NUB1: variants seen among roughly 807,000 people sequenced by gnomAD.
NUB1 encodes the protein NEDD8 ultimate buster 1.
In NUB1, 41 loss-of-function variants were observed where a neutral mutation model predicts 77.1. The ratio of observed to expected loss-of-function variants is 0.53; its 90% CI spans 0.41 to 0.69. The LOEUF (loss-of-function observed/expected upper bound fraction) is 0.69. Among genes scored for constraint, NUB1 ranks in the 30% least tolerant of loss-of-function variants. The pLI is 0.00. For missense variants in NUB1, 643 were observed against 743.8 expected (o/e 0.86, Z 1.58); for synonymous variants, 257 against 281.0 (o/e 0.91, Z 0.85).
intron 1 of NUB1, 168 bp downstream of exon 1, chr7:151,342,014 A>AGCGGTGGGCCGGGC: frequency 8.1e-7 from 1 of 1,233,642 alleles, no homozygotes; most frequent in East Asian, 3.3e-5. Flanking sequence ...CGGGGCCGGG[A>AGCGGTGGGCCGGGC]GCGGTGGGCC....
intron 4 of NUB1, chr7:151,352,153 A>C (rs1403710624): frequency 2.2e-6 from 1 of 456,684 alleles, no homozygotes; most frequent in Non-Finnish European, 4.4e-6. Flanking sequence ...GACCCTGTGG[A>C]TCAGCCCCCG....
At chr7:151,371,945 C>A (rs1020851915) in intron 11 of NUB1, among the ~76,000 whole-genome samples, 13 of 152,186 alleles carry the variant, frequency 8.5e-5, no homozygotes, top group Non-Finnish European at 7.4e-5. Flanking sequence ...TGGGTTCAAG[C>A]AGTCCTCCCA....
chr7:151,342,991 G>GT (rs1461528510), intron 1 of NUB1, among the ~76,000 whole-genome samples: 2 of 152,166 alleles, frequency 1.3e-5, no homozygotes, highest in Non-Finnish European at 2.9e-5. Flanking sequence ...GCATCTCTGA[G>GT]TACCGCATCA....
At chr7:151,355,580 C>T (rs1401087915) in intron 5 of NUB1, among the ~76,000 whole-genome samples, 188 bp from the exon 6 acceptor site, 1 of 152,254 alleles carries the variant, frequency 6.6e-6, no homozygotes, top group East Asian at 1.9e-4. Context: ...GGCTGAGGTG[C>T]AAGACTTGCT....
chr7:151,357,413 T>C (rs543806324), intron 7 of NUB1, among the ~76,000 whole-genome samples: 1 of 152,030 alleles, frequency 6.6e-6, no homozygotes, highest in East Asian at 1.9e-4. Context: ...TGTGAGCCAC[T>C]GCACCCAGCC....
intron 8 of NUB1, among the ~76,000 whole-genome samples, chr7:151,362,632 G>T (rs1239720999): frequency 6.6e-6 from 1 of 152,196 alleles, no homozygotes; most frequent in African/African-American, 2.4e-5. Flanking sequence ...GGGCAGGGAG[G>T]GCAAACCCAG....
chr7:151,344,891 T>C (rs1193295107), intron 1 of NUB1, among the ~76,000 whole-genome samples: 2 of 151,750 alleles, frequency 1.3e-5, no homozygotes, highest in African/African-American at 4.8e-5. Flanking sequence ...TCCCAGTGAG[T>C]AGGGAGGCTG....
At chr7:151,353,350 G>A (rs1287008847) in intron 5 of NUB1, among the ~76,000 whole-genome samples, 2 of 152,148 alleles carry the variant, frequency 1.3e-5, no homozygotes, top group African/African-American at 4.8e-5. Flanking sequence ...TAAGGATGGA[G>A]GGGCAAGCAG....
rs1319380928 is a variant in NUB1, at chr7:151,377,254, T to A, written c.*29T>A. On this transcript the variant is annotated 3_prime_UTR_variant, in exon 15 of 15. Coordinates refer to ENST00000568733, the MANE Select transcript of NUB1 (RefSeq NM_001243351.2). ...ATGAACAGAAATAGCGCTAATTTTC[T>A]GCTTATAAATGCTATCATTATGAAA... is the stretch of plus-strand genomic sequence containing the variant. 8.6e-6 allele frequency: 12 copies of A among 1,390,594 alleles called. No individual in the cohort carries two copies. Among genetic ancestry groups the A allele is most frequent in the Non-Finnish European group, 1.1e-5 (11 of 1,030,514 alleles). 86.1% of individuals were successfully genotyped at this position (1,390,594 alleles called of 1,614,324 possible). A position where few individuals can be genotyped will look rare whatever the true frequency, so the allele number is the denominator to read the frequency against.
intron 12 of NUB1, 144 bp downstream of exon 12, chr7:151,374,387 G>C: frequency 8.9e-7 from 1 of 1,119,978 alleles, no homozygotes. Context: ...TTTCTCCTGG[G>C]CTCCAGCCCA....
chr7:151,344,180 CAAAA>C (rs561127147), intron 1 of NUB1, among the ~76,000 whole-genome samples: 27 of 45,618 alleles, frequency 5.9e-4, no homozygotes, highest in African/African-American at 1.4e-3. Context: ...GACTCCCTCT[CAAAA>C]AAAAAAAAAA....
At chr7:151,356,946 A>C (rs1279218961) in intron 7 of NUB1, among the ~76,000 whole-genome samples, 1 of 152,060 alleles carries the variant, frequency 6.6e-6, no homozygotes, top group Non-Finnish European at 1.5e-5. Flanking sequence ...TGAACTCCCG[A>C]CCTCAGGTGA....
chr7:151,376,196 CACT>C, intron 13 of NUB1: 1 of 497,686 alleles, frequency 2.0e-6, no homozygotes, highest in African/African-American at 1.9e-5. Flanking sequence ...GTCTATGCAC[CACT>C]GTTTGCATCA....
In NUB1 at chr7:151,375,588, C is replaced by T. The variant is rs140025640; in HGVS notation, c.1396-260C>T. 8.5e-5 allele frequency among the ~76,000 whole-genome samples: 13 copies of T among 152,322 alleles called. No individual in the cohort carries two copies. In the East Asian group the frequency reaches 1.9e-3, roughly 23 times the overall value. ...ACAAAACCTGTTTTCTTGGATGCTGCTTCCACCTGCTCTCCATCCCTTCCT... is the reference window on the plus strand; with the variant it reads ...ACAAAACCTGTTTTCTTGGATGCTGTTTCCACCTGCTCTCCATCCCTTCCT... On this transcript the variant is annotated intron_variant, in intron 12 of 14. Transcript: ENST00000568733.
chr7:151,376,006 C>T lies in NUB1; in HGVS notation c.1491+63C>T, dbSNP rs1263826978. On this transcript the variant is annotated intron_variant, in intron 13 of 14. Coordinates refer to ENST00000568733, the MANE Select transcript of NUB1 (RefSeq NM_001243351.2). The stretch of plus-strand genomic sequence containing the variant: ...CTCGGGTGGGGTTGCTTGGGGTAAC[C>T]CGGGTGAATCAGGCAGCAGGACTGG... 3 of 1,038,130 alleles carry T rather than the reference C, an allele frequency of 2.9e-6. No individual in the cohort carries two copies. The Admixed American group carries it at 5.1e-5, about 18-fold the overall frequency. 64.3% of individuals were successfully genotyped at this position (1,038,130 alleles called of 1,614,324 possible).
intron 8 of NUB1, among the ~76,000 whole-genome samples, chr7:151,364,924 C>T (rs1563023560): frequency 6.6e-6 from 1 of 151,786 alleles, no homozygotes; most frequent in Non-Finnish European, 1.5e-5. Context: ...AATATTAATG[C>T]TACTAAAATT....
chr7:151,342,323 C>G (rs913134085), intron 1 of NUB1, among the ~76,000 whole-genome samples: 3 of 152,118 alleles, frequency 2.0e-5, no homozygotes, highest in Non-Finnish European at 2.9e-5. Context: ...TATTTTTAAT[C>G]AAGAATCTTT....
chr7:151,349,084 G>T lies in NUB1; in HGVS notation c.129G>T (p.Lys43Asn), dbSNP rs1158373414. The change falls in exon 3 of 15, where the codon AAG becomes AAT. Residue 43 changes from lysine (K) to asparagine (N), a missense_variant. By Grantham distance (94) the Lys-to-Asn change is moderately conservative. Coordinates refer to ENST00000568733, the MANE Select transcript of NUB1 (RefSeq NM_001243351.2). ...ATTTTTCTTGATAGGACCTTGCTAA[G>T]CAGTACTCTGACAGACTAGAATGCT... ...KVGLALKDLA[K>N]QYSDRLECCE... The T allele has an allele frequency of 6.2e-7, 1 of 1,610,602 alleles. No individual in the cohort carries two copies. Among genetic ancestry groups the T allele is most frequent in the Non-Finnish European group, 8.5e-7 (1 of 1,179,118 alleles).
rs760133472 is a variant in NUB1 at position 151,377,427 on chromosome 7, G to A, written c.*202G>A. 7.1e-5 allele frequency: 31 copies of A among 435,528 alleles called. No homozygotes were observed. The South Asian group carries it at 1.1e-3, about 15-fold the overall frequency. 27.0% of individuals were successfully genotyped at this position (435,528 alleles called of 1,614,324 possible). The stretch of plus-strand genomic sequence containing the variant: ...GGGAAGAAGCTTCCTCTGGCCTGGC[G>A]CAGGCCGTTCCATCTGCCTCCCAGG... On this transcript the variant is annotated 3_prime_UTR_variant, in exon 15 of 15. Transcript: ENST00000568733.
Sources: allele counts gnomAD v4.1 joint callset (sites outside exome capture counted in the v4.1 genomes callset), GRCh38; gene constraint gnomAD v4.1.1; transcripts MANE v1.5; gene names NCBI Gene and HGNC (gene_info 2026-07-23, HGNC 2026-07-21).